LDLRAD4: variants seen among roughly 807,000 people sequenced by gnomAD.
LDLRAD4 encodes the protein low-density lipoprotein receptor class A domain-containing protein 4.
LDLRAD4 carries 5 observed loss-of-function variants against 17.0 expected under a neutral mutation model. The observed-to-expected ratio is 0.29, with a 90% CI of 0.15 to 0.62. The LOEUF (loss-of-function observed/expected upper bound fraction) is 0.62. Ranked by LOEUF, LDLRAD4 falls within the 20% of genes least tolerant of loss-of-function variation. The pLI is 0.84. For missense variants in LDLRAD4, 340 were observed against 424.7 expected (o/e 0.80, Z 1.75); for synonymous variants, 168 against 171.8 (o/e 0.98, Z 0.17).
intron 3 of LDLRAD4, among the ~76,000 whole-genome samples, chr18:13,470,121 A>C (rs115532583): frequency 6.6e-6 from 1 of 152,164 alleles, no homozygotes; most frequent in East Asian, 1.9e-4. Context: ...TTGCCCTTTG[A>C]CATAGCGATA....
chr18:13,277,212 G>A (rs974215474), upstream of LDLRAD4, among the ~76,000 whole-genome samples: 1 of 152,176 alleles, frequency 6.6e-6, no homozygotes, highest in African/African-American at 2.4e-5. Flanking sequence ...ACGCTTTGGG[G>A]TACGAGCCTC....
chr18:13,298,748 G>A (rs952072360), intron 1 of LDLRAD4, among the ~76,000 whole-genome samples: 4 of 152,212 alleles, frequency 2.6e-5, no homozygotes, highest in African/African-American at 7.2e-5. Context: ...CACTTGATGC[G>A]GACAGGACGT....
rs147038954 is a variant in LDLRAD4, at chr18:13,624,325, G to A, written c.336+3054G>A. ...CCCAGCAGTACGAGTTTGGGGTCTGGTCTGGGACTCTGCCTTGGGAACAGT... is the reference window on the plus strand; with the variant it reads ...CCCAGCAGTACGAGTTTGGGGTCTGATCTGGGACTCTGCCTTGGGAACAGT... On this transcript the variant is annotated intron_variant, in intron 4 of 5. Transcript: ENST00000359446. 3.4e-3 allele frequency among the ~76,000 whole-genome samples: 513 copies of A among 152,354 alleles called. 3 individuals are homozygous for A. Among genetic ancestry groups the A allele is most frequent in the Non-Finnish European group, 5.0e-3 (342 of 68,028 alleles).
intron 1 of LDLRAD4, among the ~76,000 whole-genome samples, chr18:13,284,195 A>G (rs1254202393): frequency 6.6e-6 from 1 of 152,122 alleles, no homozygotes; most frequent in Non-Finnish European, 1.5e-5. Flanking sequence ...CATAGTTTGG[A>G]TTAGAGAATG....
At chr18:13,572,311 C>T (rs558484978) in intron 3 of LDLRAD4, among the ~76,000 whole-genome samples, 1 of 152,308 alleles carries the variant, frequency 6.6e-6, no homozygotes, top group Non-Finnish European at 1.5e-5. Flanking sequence ...ACCCCTGGCC[C>T]CCTTTGCAGC....
At chr18:13,549,607 G>A (rs1222929201) in intron 3 of LDLRAD4, among the ~76,000 whole-genome samples, 1 of 151,754 alleles carries the variant, frequency 6.6e-6, no homozygotes, top group East Asian at 1.9e-4. Context: ...GTGAAACATA[G>A]AAAGGCCGTG....
intron 1 of LDLRAD4, among the ~76,000 whole-genome samples, chr18:13,358,058 A>G (rs961851136): frequency 6.6e-6 from 1 of 152,036 alleles, no homozygotes; most frequent in Non-Finnish European, 1.5e-5. Flanking sequence ...GCTATTGGGT[A>G]TGACAAGATC....
chr18:13,511,564 G>A (rs1214281256), intron 3 of LDLRAD4, among the ~76,000 whole-genome samples: 1 of 152,174 alleles, frequency 6.6e-6, no homozygotes, highest in East Asian at 1.9e-4. Flanking sequence ...TAGAAAATGG[G>A]CATATTCTTT....
chr18:13,412,537 C>G (rs548506156), intron 2 of LDLRAD4, among the ~76,000 whole-genome samples: 1 of 152,090 alleles, frequency 6.6e-6, no homozygotes, highest in Non-Finnish European at 1.5e-5. Flanking sequence ...TGATATTGAT[C>G]AAGTGCCTAT....
intron 3 of LDLRAD4, chr18:13,459,901 A>C (rs2092347359): frequency 1.9e-5 from 3 of 154,130 alleles, no homozygotes; most frequent in Middle Eastern, 5.2e-4. Context: ...TCTCATCGTT[A>C]GAGGTGCATA....
At chr18:13,651,622 C>CTAAT (rs2043250513) in exon 6 of LDLRAD4, 1 of 152,188 alleles carries the variant, frequency 6.6e-6, no homozygotes, top group Admixed American at 6.5e-5. Flanking sequence ...TTCAAATACC[C>CTAAT]TAATTTTAAA....
At chr18:13,385,585 G>A (rs1251238690) in intron 1 of LDLRAD4, among the ~76,000 whole-genome samples, 1 of 152,184 alleles carries the variant, frequency 6.6e-6, no homozygotes, top group Non-Finnish European at 1.5e-5. Flanking sequence ...TGAGTTTAGA[G>A]AATGAGAACA....
intron 3 of LDLRAD4, among the ~76,000 whole-genome samples, chr18:13,472,979 C>T (rs1406512661): frequency 6.6e-6 from 1 of 152,166 alleles, no homozygotes; most frequent in Non-Finnish European, 1.5e-5. Flanking sequence ...ATGTCATTAT[C>T]ATTCTCTGAA....
At position 13,367,499 on chromosome 18, in the gene LDLRAD4, C is replaced by T. The variant is rs539730901; in HGVS notation, c.-382-19842C>T. ...CTGTATGCTCAGGAAGGATTCAGTG[C>T]ACACCAGGCAGCTTCCGTCCAGGCG... On this transcript the variant is annotated intron_variant, in intron 1 of 5. Coordinates refer to ENST00000359446, the Ensembl canonical transcript of LDLRAD4. The surrounding 1 kb of genome is among the most constrained non-coding windows in gnomAD (Gnocchi z 4.1). Among the ~76,000 whole-genome samples, 8 of 152,324 alleles carry T rather than the reference C, an allele frequency of 5.3e-5. No individual in the cohort carries two copies. Among genetic ancestry groups the T allele is most frequent in the African/African-American group, 1.2e-4 (5 of 41,582 alleles).
chr18:13,477,983 C>T (rs558940858), intron 3 of LDLRAD4, among the ~76,000 whole-genome samples: 1 of 152,348 alleles, frequency 6.6e-6, no homozygotes, highest in African/African-American at 2.4e-5. Flanking sequence ...GCTTTTTACT[C>T]ATCTGCTCCC....
chr18:13,639,480 C>A (rs892619396), intron 4 of LDLRAD4, among the ~76,000 whole-genome samples: 3 of 152,208 alleles, frequency 2.0e-5, no homozygotes, highest in African/African-American at 7.2e-5. Flanking sequence ...AGGACGGTGA[C>A]CTTGCCAACA....
In LDLRAD4 at chr18:13,230,771, G is replaced by T. The variant is rs182328191; in HGVS notation, c.-467+11783G>T. On this transcript the variant is annotated intron_variant, in intron 1 of 5. Coordinates refer to the LDLRAD4 transcript ENST00000399848. ...TAAATTACTTTTGTAGCTTTCAGTT[G>T]TTGTGAACTCAAAATCCACAGACCA... Among the ~76,000 whole-genome samples the T allele has an allele frequency of 3.5e-3, 539 of 152,290 alleles. 5 individuals carry two copies. Among genetic ancestry groups the T allele is most frequent in the African/African-American group, 0.011 (459 of 41,550 alleles).
intron 2 of LDLRAD4, among the ~76,000 whole-genome samples, chr18:13,416,857 T>G (rs1035315077): frequency 2.6e-5 from 4 of 152,224 alleles, no homozygotes; most frequent in Non-Finnish European, 1.5e-5. Flanking sequence ...AGCATACACT[T>G]ACATAATACT....
At chr18:13,613,664 T>A (rs1229725223) in intron 3 of LDLRAD4, 1 of 152,258 alleles carries the variant, frequency 6.6e-6, no homozygotes, top group Non-Finnish European at 1.5e-5. Context: ...TTGTAGTGGA[T>A]GAAGGCTTGG....
Sources: gnomAD v4.1 joint callset for allele counts (sites outside exome capture counted in the v4.1 genomes callset) on GRCh38, gnomAD v4.1.1 for gene constraint, Gnocchi (gnomAD v3.1) non-coding constraint, MANE v1.5 for transcripts, NCBI Gene and HGNC (gene_info 2026-07-23, HGNC 2026-07-21) for gene names.